The following SGCZ variants were observed in gnomAD, a reference collection of about 807,000 sequenced individuals.
The protein encoded by SGCZ is sarcoglycan zeta.
In SGCZ, 40 loss-of-function variants were observed where a neutral mutation model predicts 41.3. The ratio of observed to expected loss-of-function variants is 0.97; its 90% CI spans 0.75 to 1.26. The LOEUF is 1.26. Ranked by LOEUF, SGCZ falls within the 50% of genes most tolerant of loss-of-function variation. SGCZ has a pLI of 0.00. For missense variants in SGCZ, 552 were observed against 369.8 expected (o/e 1.49, Z -4.04); for synonymous variants, 206 against 137.5 (o/e 1.50, Z -3.49).
At chr8:14,520,701 A>G (rs912707414) in intron 2 of SGCZ, among the ~76,000 whole-genome samples, 1 of 152,154 alleles carries the variant, frequency 6.6e-6, no homozygotes, top group Non-Finnish European at 1.5e-5. Context: ...GAGTATGCAT[A>G]ATACACTTTA....
intron 1 of SGCZ, among the ~76,000 whole-genome samples, chr8:14,944,700 C>G (rs1800383756): frequency 6.6e-6 from 1 of 152,156 alleles, no homozygotes; most frequent in Non-Finnish European, 1.5e-5. Flanking sequence ...CACAGGGTTA[C>G]ATCCTGATAA....
At chr8:14,363,748 T>C (rs1803607373) in intron 2 of SGCZ, among the ~76,000 whole-genome samples, 1 of 152,182 alleles carries the variant, frequency 6.6e-6, no homozygotes, top group Admixed American at 6.5e-5. Context: ...CCTTTACAAA[T>C]GGCAGACTGC....
chr8:14,905,657 A>C (rs1204436580), intron 1 of SGCZ, among the ~76,000 whole-genome samples: 2 of 152,112 alleles, frequency 1.3e-5, no homozygotes, highest in Non-Finnish European at 2.9e-5. Context: ...ATAGTGTCAA[A>C]TAGTTGTACC....
At chr8:15,144,960 G>C (rs1427376977) in intron 1 of SGCZ, among the ~76,000 whole-genome samples, 1 of 152,164 alleles carries the variant, frequency 6.6e-6, no homozygotes, top group Admixed American at 6.5e-5. Flanking sequence ...CACAAAACAA[G>C]AGAAACCAAG....
intron 1 of SGCZ, among the ~76,000 whole-genome samples, chr8:14,740,481 G>C (rs1799169373): frequency 6.6e-6 from 1 of 152,040 alleles, no homozygotes; most frequent in Non-Finnish European, 1.5e-5. Flanking sequence ...GTGGGGCCCT[G>C]TGGATGGCTC....
Position 14,604,277 on chromosome 8 carries a change from G to A in SGCZ, c.40-49351C>T, listed in dbSNP as rs146860157. On this transcript the variant is annotated intron_variant, in intron 1 of 7. Coordinates refer to ENST00000382080, the MANE Select transcript of SGCZ (RefSeq NM_139167.4). ...TTGCATTTCACCACCAACTTCAATT[G>A]ATCGTCAGTAACTGCCTGGAGAGTT... is the stretch of plus-strand genomic sequence containing the variant. 3.7e-3 allele frequency among the ~76,000 whole-genome samples: 569 copies of A among 152,216 alleles called. 7 individuals are homozygous for A. The highest frequency in any genetic ancestry group is 0.013 in the African/African-American group (546 of 41,534).
At chr8:14,132,962 C>A (rs560632386) in intron 5 of SGCZ, among the ~76,000 whole-genome samples, 1 of 152,180 alleles carries the variant, frequency 6.6e-6, no homozygotes, top group African/African-American at 2.4e-5. Context: ...TTGTGCTCAG[C>A]TAGTGTTTTG....
intron 1 of SGCZ, among the ~76,000 whole-genome samples, chr8:14,911,570 T>C (rs137988557): frequency 3.1e-4 from 47 of 152,140 alleles, no homozygotes; most frequent in African/African-American, 1.1e-3. Flanking sequence ...AAATAAAATT[T>C]CAGAAATGAT....
At chr8:14,778,740 G>A (rs1008974987) in intron 1 of SGCZ, among the ~76,000 whole-genome samples, 1 of 152,160 alleles carries the variant, frequency 6.6e-6, no homozygotes, top group African/African-American at 2.4e-5. Context: ...TATTTCATGA[G>A]TAATCAGAGA....
At chr8:14,428,212 A>G (rs992590787) in intron 2 of SGCZ, among the ~76,000 whole-genome samples, 1 of 151,782 alleles carries the variant, frequency 6.6e-6, no homozygotes, top group Non-Finnish European at 1.5e-5. Context: ...ATAATTACCT[A>G]TATTATATAT....
intron 2 of SGCZ, among the ~76,000 whole-genome samples, chr8:14,379,836 A>T (rs899850538): frequency 2.0e-5 from 3 of 151,974 alleles, no homozygotes; most frequent in African/African-American, 7.2e-5. Flanking sequence ...GGTTCAAGTG[A>T]TTCTCCTGCC....
chr8:14,908,389 CTG>C (rs1363805283), intron 1 of SGCZ, among the ~76,000 whole-genome samples: 1 of 152,100 alleles, frequency 6.6e-6, no homozygotes, highest in Non-Finnish European at 1.5e-5. Flanking sequence ...CTCCATGAGA[CTG>C]TATTCTACCA....
At chr8:14,805,803 A>G (rs1222369153) in intron 1 of SGCZ, among the ~76,000 whole-genome samples, 3 of 151,848 alleles carry the variant, frequency 2.0e-5, no homozygotes, top group African/African-American at 7.3e-5. Flanking sequence ...CACCACACCT[A>G]TTCCAAAATT....
chr8:14,803,247 G>C (rs1450571154), intron 1 of SGCZ, among the ~76,000 whole-genome samples: 1 of 152,010 alleles, frequency 6.6e-6, no homozygotes, highest in Non-Finnish European at 1.5e-5. Context: ...AATAGGAACA[G>C]CTCCTGTCTA....
intron 3 of SGCZ, among the ~76,000 whole-genome samples, chr8:14,293,402 T>A (rs1354579095): frequency 6.6e-6 from 1 of 152,012 alleles, no homozygotes; most frequent in Non-Finnish European, 1.5e-5. Flanking sequence ...TCTTTGGAAA[T>A]AATGAAATTC....
intron 4 of SGCZ, among the ~76,000 whole-genome samples, chr8:14,205,351 T>G (rs556697350): frequency 6.6e-6 from 1 of 152,328 alleles, no homozygotes; most frequent in East Asian, 1.9e-4. Flanking sequence ...GCAATGTACC[T>G]GGACCATTTT....
chr8:14,507,591 T>C (rs573987545), intron 2 of SGCZ, among the ~76,000 whole-genome samples: 1 of 152,330 alleles, frequency 6.6e-6, no homozygotes, highest in South Asian at 2.1e-4. Flanking sequence ...TTGACTTTGC[T>C]TCTGCAACAC....
chr8:14,118,059 T>A (rs1802579036), intron 5 of SGCZ, among the ~76,000 whole-genome samples: 1 of 152,004 alleles, frequency 6.6e-6, no homozygotes, highest in Admixed American at 6.6e-5. Flanking sequence ...TGCATGTGTC[T>A]TTATAGTAGA....
chr8:14,350,986 T>C, intron 2 of SGCZ, among the ~76,000 whole-genome samples: 1 of 152,154 alleles, frequency 6.6e-6, no homozygotes, highest in East Asian at 1.9e-4. Context: ...ATTGCTCATG[T>C]CTATGCATGC....
Sources: gnomAD v4.1 joint callset for allele counts (sites outside exome capture counted in the v4.1 genomes callset) on GRCh38, gnomAD v4.1.1 for gene constraint, MANE v1.5 for transcripts, NCBI Gene and HGNC (gene_info 2026-07-23, HGNC 2026-07-21) for gene names.